Variants in FGF14 observed in about 807,000 individuals in gnomAD.
FGF14 encodes fibroblast growth factor homologous factor 4.
Under a neutral mutation model 25.5 loss-of-function variants are expected in FGF14, and 5 were observed. The ratio of observed to expected loss-of-function variants is 0.20; its 90% confidence interval spans 0.10 to 0.41. The LOEUF is 0.41. Among genes scored for constraint, FGF14 ranks in the 10% least tolerant of loss-of-function variants. The pLI, the probability that FGF14 is intolerant of heterozygous loss-of-function variation, is 1.00. For synonymous variants in FGF14, 138 were observed against 118.3 expected (o/e 1.17, Z -1.08); for missense variants, 222 against 320.1 (o/e 0.69, Z 2.34).
At chr13:102,213,708 T>C (rs1488670727) in intron 1 of FGF14, among the ~76,000 whole-genome samples, 1 of 152,168 alleles carries the variant, frequency 6.6e-6, no homozygotes, top group African/African-American at 2.4e-5. Context: ...TTCCTTATCC[T>C]CCTTCCCCAA....
chr13:101,854,502 G>A (rs562613035), intron 3 of FGF14, among the ~76,000 whole-genome samples: 2 of 152,190 alleles, frequency 1.3e-5, no homozygotes, highest in African/African-American at 4.8e-5. Flanking sequence ...ACATGGTGAT[G>A]TTTGCTGACC....
At chr13:101,813,199 G>A (rs983690670) in intron 3 of FGF14, among the ~76,000 whole-genome samples, 4 of 152,048 alleles carry the variant, frequency 2.6e-5, no homozygotes, top group South Asian at 2.1e-4. Flanking sequence ...AATTTTAAAC[G>A]AGTGTCCTTT....
intron 3 of FGF14, among the ~76,000 whole-genome samples, chr13:101,757,263 CT>C (rs1162480239): frequency 6.6e-6 from 1 of 151,932 alleles, no homozygotes; most frequent in African/African-American, 2.4e-5. Flanking sequence ...GTCCTATAGC[CT>C]TTTGTTTGCT....
At chr13:101,983,215 C>CAGCACTCAGTATTCCTGATAA (rs567442125) in intron 1 of FGF14, among the ~76,000 whole-genome samples, 38 of 152,304 alleles carry the variant, frequency 2.5e-4, no homozygotes, top group African/African-American at 7.7e-4. Context: ...CTCTCCAAAT[C>CAGCACTCAGTATTCCTGATAA]AGCACTCAGT....
chr13:102,133,857 G>A (rs2046302356), intron 1 of FGF14, among the ~76,000 whole-genome samples: 1 of 152,168 alleles, frequency 6.6e-6, no homozygotes, highest in Admixed American at 6.5e-5. Flanking sequence ...TGGTCAGTGT[G>A]CATGGGGAAT....
At chr13:102,027,940 T>C (rs912298027) in intron 1 of FGF14, among the ~76,000 whole-genome samples, 1 of 151,990 alleles carries the variant, frequency 6.6e-6, no homozygotes, top group African/African-American at 2.4e-5. Flanking sequence ...GAGAAACCAA[T>C]AGAAGTTTAT....
At chr13:101,892,095 C>T (rs913879234) in intron 1 of FGF14, among the ~76,000 whole-genome samples, 3 of 152,100 alleles carry the variant, frequency 2.0e-5, no homozygotes, top group Non-Finnish European at 4.4e-5. Context: ...TTCAAGATGT[C>T]TAGAGTTTGC....
At chr13:101,798,291 C>T (rs1276212345) in intron 3 of FGF14, among the ~76,000 whole-genome samples, 2 of 152,016 alleles carry the variant, frequency 1.3e-5, no homozygotes, top group African/African-American at 4.8e-5. Flanking sequence ...TGTTTCCTGT[C>T]CTGTAAGTAA....
At chr13:102,058,340 A>C (rs1001743510) in intron 1 of FGF14, among the ~76,000 whole-genome samples, 2 of 152,242 alleles carry the variant, frequency 1.3e-5, no homozygotes, top group African/African-American at 2.4e-5. Context: ...CCCACAAAGA[A>C]GGCATCTAGT....
chr13:101,766,031 C>G (rs183248502), intron 3 of FGF14, among the ~76,000 whole-genome samples: 1 of 151,962 alleles, frequency 6.6e-6, no homozygotes, highest in East Asian at 1.9e-4. Context: ...GCCTGGCCAG[C>G]CTTTTACTTC....
At chr13:102,120,045 C>A (rs1594032900) in intron 1 of FGF14, among the ~76,000 whole-genome samples, 5 of 152,272 alleles carry the variant, frequency 3.3e-5, no homozygotes, top group Admixed American at 3.3e-4. Context: ...CCTACAGACA[C>A]CTCCTCAGAG....
At chr13:101,997,418 C>T (rs1433782023) in intron 1 of FGF14, among the ~76,000 whole-genome samples, 2 of 152,142 alleles carry the variant, frequency 1.3e-5, no homozygotes, top group Non-Finnish European at 2.9e-5. Flanking sequence ...GTCCTATTTA[C>T]TAAATTAAAT....
At chr13:102,151,529 C>CACTCT (rs2047085562) in intron 1 of FGF14, among the ~76,000 whole-genome samples, 2 of 152,166 alleles carry the variant, frequency 1.3e-5, no homozygotes, top group Non-Finnish European at 2.9e-5. Context: ...GACAGAGTTT[C>CACTCT]ACTCTTGTTG....
chr13:101,874,900 CAAT>C (rs1422086509), intron 2 of FGF14, among the ~76,000 whole-genome samples: 1 of 151,850 alleles, frequency 6.6e-6, no homozygotes, highest in Non-Finnish European at 1.5e-5. Context: ...TTAACTTTTA[CAAT>C]AATAAGATTA....
At chr13:102,100,254 A>G (rs1037615123) in intron 1 of FGF14, among the ~76,000 whole-genome samples, 1 of 152,280 alleles carries the variant, frequency 6.6e-6, no homozygotes, top group South Asian at 2.1e-4. Flanking sequence ...TATGCAAACC[A>G]AAAAAGCTGC....
chr13:101,841,729 T>C (rs1200650349), intron 3 of FGF14, among the ~76,000 whole-genome samples: 1 of 151,898 alleles, frequency 6.6e-6, no homozygotes, highest in Non-Finnish European at 1.5e-5. Flanking sequence ...CGTCTTTCTG[T>C]AGGACACACA....
chr13:101,836,129 T>C (rs946522678), intron 3 of FGF14, among the ~76,000 whole-genome samples: 1 of 152,060 alleles, frequency 6.6e-6, no homozygotes, highest in Non-Finnish European at 1.5e-5. Context: ...AACATGACTG[T>C]GGTATTAGCA....
intron 1 of FGF14, among the ~76,000 whole-genome samples, chr13:102,043,329 C>A (rs2041832053): frequency 6.6e-6 from 1 of 152,146 alleles, no homozygotes; most frequent in Non-Finnish European, 1.5e-5. Flanking sequence ...AAGCCACTAA[C>A]CACTCAGATG....
At chr13:102,374,488 G>A (rs2057975891) in intron 1 of FGF14, among the ~76,000 whole-genome samples, 1 of 151,284 alleles carries the variant, frequency 6.6e-6, no homozygotes, top group Non-Finnish European at 1.5e-5. Context: ...AAGTGATTAT[G>A]TTCAGCTGTG....
Sources: allele counts gnomAD v4.1 joint callset (sites outside exome capture counted in the v4.1 genomes callset), GRCh38; gene constraint gnomAD v4.1.1; transcripts MANE v1.5; gene names NCBI Gene and HGNC (gene_info 2026-07-23, HGNC 2026-07-21).